The following CDH13 variants were observed in gnomAD, a reference collection of about 807,000 sequenced individuals.
CDH13 encodes the protein cadherin 13.
Under a neutral mutation model 63.8 loss-of-function variants are expected in CDH13, and 24 were observed. The observed-to-expected ratio is 0.38, with a 90% CI of 0.27 to 0.53. CDH13 has a LOEUF of 0.53. CDH13 is among the 20% of genes least tolerant of loss of function. The probability of loss-of-function intolerance (pLI) is 0.85; values close to 1 mark genes in which losing one functional copy is unlikely to be tolerated. For synonymous variants in CDH13, 503 were observed against 355.3 expected, an observed-to-expected ratio of 1.42 and a Z score of -4.67; for missense variants, 1,049 against 903.1, an observed-to-expected ratio of 1.16 and a Z score of -2.07.
chr16:83,783,414 A>G lies in CDH13; in HGVS notation c.2076A>G (p.Ala692=), dbSNP rs1048612. 0.81 allele frequency: 1,302,611 copies of G among 1,613,744 alleles called. 526,169 individuals carry two copies. The highest frequency in any genetic ancestry group is 0.85 in the Admixed American group (50,922 of 60,020). ...CRNSKVDCNA[A]GALRFSLPSV... is the part of the protein sequence containing the mutation. ...ATTCCAAAGTGGACTGCAACGCGGCAGGGGCCCTGCGCTTCAGCCTGCCCT... is the reference window on the plus strand; with the variant it reads ...ATTCCAAAGTGGACTGCAACGCGGCGGGGGCCCTGCGCTTCAGCCTGCCCT... Residue 692 remains alanine (A), a synonymous_variant, in exon 13 of 14, where the codon GCA becomes GCG. Coordinates refer to ENST00000567109, the MANE Select transcript of CDH13 (RefSeq NM_001257.5).
intron 6 of CDH13, 66 bp from the exon 7 acceptor site, chr16:83,486,411 G>T (rs780764256): frequency 7.0e-7 from 1 of 1,432,760 alleles, no homozygotes; most frequent in Non-Finnish European, 9.6e-7. Context: ...CCCAGGTGGG[G>T]AAGGGGCTCT....
chr16:82,955,588 C>G (rs1319232306), intron 2 of CDH13, among the ~76,000 whole-genome samples: 1 of 141,402 alleles, frequency 7.1e-6, no homozygotes, highest in African/African-American at 2.5e-5. Flanking sequence ...AACATGCATT[C>G]GTTTTTGTTT....
intron 3 of CDH13, among the ~76,000 whole-genome samples, chr16:83,049,949 C>T (rs2030109013): frequency 6.6e-6 from 1 of 152,138 alleles, no homozygotes; most frequent in African/African-American, 2.4e-5. Context: ...ATCTGGATTT[C>T]ATTAAGATGA....
chr16:82,899,982 C>T (rs533162997), intron 2 of CDH13, among the ~76,000 whole-genome samples: 32 of 152,300 alleles, frequency 2.1e-4, no homozygotes, highest in African/African-American at 4.8e-4. Flanking sequence ...GAAATCTACA[C>T]GTATGGGCAG....
intron 2 of CDH13, among the ~76,000 whole-genome samples, chr16:82,875,014 G>A (rs761242890): frequency 6.6e-6 from 1 of 152,186 alleles, no homozygotes; most frequent in Non-Finnish European, 1.5e-5. Flanking sequence ...ATACTCAAGA[G>A]GGAGAGAGAA....
intron 7 of CDH13, among the ~76,000 whole-genome samples, chr16:83,544,210 C>G (rs1294781372): frequency 1.3e-5 from 2 of 152,140 alleles, no homozygotes; most frequent in African/African-American, 2.4e-5. Context: ...AGCACTGAGA[C>G]TGAGTAGTTC....
At chr16:83,730,947 G>A (rs934582680) in intron 10 of CDH13, among the ~76,000 whole-genome samples, 1 of 152,180 alleles carries the variant, frequency 6.6e-6, no homozygotes, top group African/African-American at 2.4e-5. Context: ...AATTCGCTTA[G>A]GTTAATGGCC....
intron 5 of CDH13, among the ~76,000 whole-genome samples, chr16:83,246,998 C>T (rs982759768): frequency 2.0e-5 from 3 of 152,190 alleles, no homozygotes; most frequent in Admixed American, 6.5e-5. Flanking sequence ...GGGGTAGATG[C>T]CTGGCATGAA....
At chr16:83,087,846 A>G (rs76173000) in intron 3 of CDH13, among the ~76,000 whole-genome samples, 2,965 of 152,188 alleles carry the variant, frequency 0.019, 94 homozygotes, top group African/African-American at 0.067. Context: ...AATGGGTCTT[A>G]TGTATGCCCT....
At chr16:83,401,511 C>CAAAAT (rs1387021926) in intron 6 of CDH13, among the ~76,000 whole-genome samples, 3 of 151,906 alleles carry the variant, frequency 2.0e-5, no homozygotes, top group African/African-American at 7.3e-5. Context: ...GACTCCGTCT[C>CAAAAT]AAAATAAAAT....
intron 5 of CDH13, among the ~76,000 whole-genome samples, chr16:83,281,674 T>C (rs1052139965): frequency 2.6e-5 from 4 of 151,700 alleles, no homozygotes; most frequent in African/African-American, 9.7e-5. Flanking sequence ...TTTGGTAGGC[T>C]GAGGTGTGCA....
chr16:82,782,352 G>A (rs931559382), intron 1 of CDH13, among the ~76,000 whole-genome samples: 3 of 152,168 alleles, frequency 2.0e-5, no homozygotes, highest in African/African-American at 7.2e-5. Context: ...ACGAGGTCAG[G>A]AGTTGGAGAC....
chr16:83,006,076 G>C (rs1283808522), intron 2 of CDH13, among the ~76,000 whole-genome samples: 2 of 152,200 alleles, frequency 1.3e-5, no homozygotes, highest in Non-Finnish European at 2.9e-5. Flanking sequence ...GGTAGCTTAA[G>C]ATAGCTTGTG....
chr16:82,807,524 A>G (rs369965151), intron 1 of CDH13, among the ~76,000 whole-genome samples: 2 of 152,062 alleles, frequency 1.3e-5, no homozygotes, highest in African/African-American at 4.8e-5. Context: ...ACTTTACAAA[A>G]GAAATAAGAG....
intron 6 of CDH13, among the ~76,000 whole-genome samples, chr16:83,453,361 A>G (rs1196029058): frequency 6.6e-6 from 1 of 152,216 alleles, no homozygotes; most frequent in Admixed American, 6.5e-5. Context: ...CCAAAAACCT[A>G]TGGAAACAAA....
chr16:82,989,404 T>C (rs58702561), intron 2 of CDH13, among the ~76,000 whole-genome samples: 21,174 of 152,208 alleles, frequency 0.14, 1,789 homozygotes, highest in African/African-American at 0.24. Flanking sequence ...CATGGCAGTG[T>C]GAGCTGGAGA....
intron 1 of CDH13, among the ~76,000 whole-genome samples, chr16:82,684,003 G>A (rs1914816771): frequency 6.6e-6 from 1 of 152,208 alleles, no homozygotes; most frequent in South Asian, 2.1e-4. Context: ...AGTTGGATGG[G>A]GAGTGCCTTT....
intron 8 of CDH13, among the ~76,000 whole-genome samples, chr16:83,612,594 C>T (rs1344019195): frequency 1.3e-5 from 2 of 151,920 alleles, no homozygotes; most frequent in Non-Finnish European, 2.9e-5. Context: ...AATTTCTTTT[C>T]CTCTTATCTC....
At chr16:82,853,126 C>G (rs1416285516) in intron 1 of CDH13, among the ~76,000 whole-genome samples, 7 of 152,148 alleles carry the variant, frequency 4.6e-5, no homozygotes, top group Non-Finnish European at 7.4e-5. Context: ...AGAGAGATCT[C>G]TGAGCTGCTA....
Sources: allele counts gnomAD v4.1 joint callset (sites outside exome capture counted in the v4.1 genomes callset), GRCh38; gene constraint gnomAD v4.1.1; transcripts MANE v1.5; gene names NCBI Gene and HGNC (gene_info 2026-07-23, HGNC 2026-07-21).